Variants in OGDH observed in about 807,000 individuals in gnomAD.
OGDH encodes the protein oxoglutarate dehydrogenase.
OGDH carries 38 observed loss-of-function variants against 116.6 expected under a neutral mutation model. The ratio of observed to expected loss-of-function variants is 0.33; its 90% CI spans 0.25 to 0.43. OGDH has a LOEUF of 0.43. Among genes scored for constraint, OGDH ranks in the 20% least tolerant of loss-of-function variants. OGDH has a pLI of 1.00. For synonymous variants in OGDH, 488 were observed against 533.3 expected (o/e 0.92, Z 1.17); for missense variants, 825 against 1,357.2 (o/e 0.61, Z 6.16).
At chr7:44,672,580 G>A (rs1447801772) in intron 5 of OGDH, among the ~76,000 whole-genome samples, 5 of 151,382 alleles carry the variant, frequency 3.3e-5, no homozygotes, top group Non-Finnish European at 7.4e-5. Context: ...TGCAGGTCGA[G>A]TTTTGGGCCT....
At chr7:44,678,826 AGT>A (rs1198009243) in intron 9 of OGDH, among the ~76,000 whole-genome samples, 1 of 152,188 alleles carries the variant, frequency 6.6e-6, no homozygotes, top group African/African-American at 2.4e-5. Flanking sequence ...AGGGAGCTGG[AGT>A]GTGTGTTATG....
intron 20 of OGDH, among the ~76,000 whole-genome samples, chr7:44,705,985 G>GT (rs1172357496): frequency 6.6e-6 from 1 of 152,060 alleles, no homozygotes; most frequent in Non-Finnish European, 1.5e-5. Flanking sequence ...TGTCACCCAG[G>GT]TTGGAGTGCA....
chr7:44,678,823 T>C (rs1787807562), intron 9 of OGDH, among the ~76,000 whole-genome samples: 1 of 152,218 alleles, frequency 6.6e-6, no homozygotes, highest in Non-Finnish European at 1.5e-5. Flanking sequence ...CTCAGGGAGC[T>C]GGAGTGTGTG....
intron 1 of OGDH, among the ~76,000 whole-genome samples, chr7:44,617,402 AG>A (rs1562611829): frequency 6.6e-6 from 1 of 152,108 alleles, no homozygotes. Context: ...GGCCCAGGAA[AG>A]CTCACACAGT....
rs749686093 is a variant in OGDH at position 44,624,349 on chromosome 7, T to A, written c.6T>A (p.Phe2Leu). Residue 2 changes from phenylalanine to leucine, a missense_variant, in exon 2 of 23, where the codon TTT (phenylalanine) becomes TTA (leucine). Coordinates refer to ENST00000222673, the MANE Select transcript of OGDH (RefSeq NM_002541.4). ...TGAAAAACTTCAGGACAAAAATGTTTCATTTAAGGACTTGTGCTGCTAAGT... is the reference window on the plus strand; with the variant it reads ...TGAAAAACTTCAGGACAAAAATGTTACATTTAAGGACTTGTGCTGCTAAGT... M[F>L]HLRTCAAKLR... 2 of 1,610,050 alleles carry A rather than the reference T, an allele frequency of 1.2e-6. No individual in the cohort carries two copies. The highest frequency in any genetic ancestry group is 1.7e-6 in the Non-Finnish European group (2 of 1,178,524).
rs1787606136 is a variant in OGDH, at chr7:44,674,568, G to C, written c.935+11G>C. On this transcript the variant is annotated intron_variant, in intron 7 of 22. Transcript: ENST00000222673. Reference sequence around the variant, plus strand: ...GGGCATGCCACACAGGTACAGCCAAGGGCGCGCCCAACCTGGTTTCTCACC... The same window carrying C: ...GGGCATGCCACACAGGTACAGCCAACGGCGCGCCCAACCTGGTTTCTCACC... 6.2e-7 allele frequency: 1 copy of C among 1,613,536 alleles called. No homozygotes were observed. Among genetic ancestry groups the C allele is most frequent in the African/African-American group, 1.3e-5 (1 of 74,910 alleles).
chr7:44,627,515 G>C (rs1202009411), intron 2 of OGDH, among the ~76,000 whole-genome samples: 2 of 152,148 alleles, frequency 1.3e-5, no homozygotes, highest in Admixed American at 1.3e-4. Context: ...CTCATCTTCT[G>C]TTTAAACATC....
At chr7:44,695,683 C>T (rs1344731484) in intron 12 of OGDH, among the ~76,000 whole-genome samples, 5 of 142,878 alleles carry the variant, frequency 3.5e-5, no homozygotes, top group Non-Finnish European at 6.0e-5. Context: ...AGCCTGGTGA[C>T]AGAGCATGAC....
chr7:44,647,728 C>A lies in OGDH; in HGVS notation c.486C>A (p.Pro162=), dbSNP rs772301635. 6.2e-7 allele frequency: 1 copy of A among 1,614,010 alleles called. No individual in the cohort carries two copies. Among genetic ancestry groups the A allele is most frequent in the East Asian group, 2.2e-5 (1 of 44,876 alleles). ...ATGCTGATCTGGACTCCTCCGTGCC[C>A]GCTGACATTATCTCATCCACAGACA... ...ILDADLDSSV[P]ADIISSTDKL... Residue 162 remains proline, a synonymous_variant, in exon 4 of 23, where the codon CCC becomes CCA. Coordinates refer to ENST00000222673, the MANE Select transcript of OGDH (RefSeq NM_002541.4).
intron 4 of OGDH, among the ~76,000 whole-genome samples, chr7:44,654,340 G>T (rs1330029407): frequency 6.6e-6 from 1 of 152,218 alleles, no homozygotes; most frequent in African/African-American, 2.4e-5. Flanking sequence ...GTTGAAAAAT[G>T]TGGCAAAATG....
At chr7:44,657,445 T>TG (rs1393917733) in intron 4 of OGDH, among the ~76,000 whole-genome samples, 2 of 152,248 alleles carry the variant, frequency 1.3e-5, no homozygotes, top group African/African-American at 2.4e-5. Context: ...TCCTTTTTAT[T>TG]GCTGAGTAGT....
At chr7:44,687,438 AGG>A (rs1432544141) in intron 10 of OGDH, among the ~76,000 whole-genome samples, 5 of 149,968 alleles carry the variant, frequency 3.3e-5, no homozygotes, top group Non-Finnish European at 7.4e-5. Flanking sequence ...ATTTTTAGAC[AGG>A]TTCTTAACTC....
rs747757324 is a variant in OGDH, at chr7:44,674,438, G to T, written c.816G>T (p.Trp272Cys). ...TRFEEFLQRK[W>C]SSEKRFGLEG... ...TTGAGGAGTTCCTACAGCGGAAGTG[G>T]TCCTCTGAGAAGCGCTTTGGTCTAG... is the stretch of plus-strand genomic sequence containing the variant. The change falls in exon 7 of 23, where the codon TGG becomes TGT. Residue 272 changes from tryptophan to cysteine, a missense_variant. Around this residue, in one of 7 missense-constraint regions of OGDH, gnomAD observed 171 missense variants for 276.8 expected, o/e 0.62. Coordinates refer to ENST00000222673, the MANE Select transcript of OGDH (RefSeq NM_002541.4). 6.2e-7 allele frequency: 1 copy of T among 1,614,174 alleles called. No homozygotes were observed. The highest frequency in any genetic ancestry group is 8.5e-7 in the Non-Finnish European group (1 of 1,180,020).
At chr7:44,698,169 G>A in intron 17 of OGDH, 23 bp from the exon 18 acceptor site, 1 of 1,613,940 alleles carries the variant, frequency 6.2e-7, no homozygotes. Context: ...CTCTTAAACT[G>A]TAACTTGCGT....
chr7:44,642,932 A>AT (rs1439968085), intron 2 of OGDH, among the ~76,000 whole-genome samples: 1 of 151,742 alleles, frequency 6.6e-6, no homozygotes, highest in Non-Finnish European at 1.5e-5. Context: ...AAAAAAAAAA[A>AT]AAATTTTTAA....
At chr7:44,705,051 C>CTTTTTTT (rs777624714) in intron 20 of OGDH, among the ~76,000 whole-genome samples, 21 of 93,924 alleles carry the variant, frequency 2.2e-4, no homozygotes, top group African/African-American at 7.0e-4. Flanking sequence ...TTTTAATTTT[C>CTTTTTTT]TTTTTTTTTT....
chr7:44,704,701 T>C (rs1342229305), intron 20 of OGDH, among the ~76,000 whole-genome samples: 1 of 151,904 alleles, frequency 6.6e-6, no homozygotes, highest in Non-Finnish European at 1.5e-5. Flanking sequence ...GTTTGGGTGT[T>C]TTTTTTGTTT....
rs1786129737 is a variant in OGDH at position 44,645,433 on chromosome 7, C to T, written c.329C>T (p.Ala110Val). The T allele has an allele frequency of 6.2e-7, 1 of 1,614,122 alleles. No homozygotes were observed. Among genetic ancestry groups the T allele is most frequent in the African/African-American group, 1.3e-5 (1 of 74,940 alleles). ...SRGSLAAVAH[A>V]QSLVEAQPNV... ...GGCTCCCTGGCTGCTGTGGCCCATG[C>T]ACAGTCCCTGGTAGAAGCACAGCCC... is the stretch of plus-strand genomic sequence containing the variant. Residue 110 changes from alanine to valine, a missense_variant, in exon 3 of 23, where the codon GCA becomes GTA. Around this residue, in one of 7 missense-constraint regions of OGDH, gnomAD observed 171 missense variants for 276.8 expected, o/e 0.62. Transcript: ENST00000222673.
At chr7:44,647,784 G>C (rs755995126) in intron 4 of OGDH, 25 bp downstream of exon 4, 1 of 1,587,386 alleles carries the variant, frequency 6.3e-7, no homozygotes, top group Non-Finnish European at 8.7e-7. Context: ...GCAGTCAGCT[G>C]CGTTGCTTGA....
Sources: allele counts gnomAD v4.1 joint callset (sites outside exome capture counted in the v4.1 genomes callset), GRCh38; gene constraint gnomAD v4.1.1; regional missense constraint gnomAD v4.1.1; transcripts MANE v1.5; gene names NCBI Gene and HGNC (gene_info 2026-07-23, HGNC 2026-07-21).